Variants in EPHA2 observed in about 807,000 individuals in gnomAD.
The protein encoded by EPHA2 is EPH receptor A2, also known as ephrin type-A receptor 2.
EPHA2 carries 54 observed loss-of-function variants against 104.9 expected under a neutral mutation model. The observed-to-expected ratio is 0.51, with a 90% CI of 0.41 to 0.65. The LOEUF (loss-of-function observed/expected upper bound fraction) is 0.65, where lower values mean the gene tolerates loss of function less well. Ranked by LOEUF, EPHA2 falls within the 30% of genes least tolerant of loss-of-function variation. The probability of loss-of-function intolerance (pLI) is 0.00; values close to 1 mark genes in which losing one functional copy is unlikely to be tolerated. For synonymous variants in EPHA2, 560 were observed against 559.1 expected (o/e 1.00, Z -0.02); for missense variants, 1,117 against 1,369.5 (o/e 0.82, Z 2.91).
intron 3 of EPHA2, among the ~76,000 whole-genome samples, chr1:16,140,601 C>T (rs1386555644): frequency 2.0e-5 from 3 of 152,136 alleles, no homozygotes; most frequent in Admixed American, 6.5e-5. Flanking sequence ...TCTCTCCTCT[C>T]CCACTCCTTT....
intron 3 of EPHA2, among the ~76,000 whole-genome samples, chr1:16,145,376 G>A (rs1353206296): frequency 6.6e-6 from 1 of 152,222 alleles, no homozygotes; most frequent in Non-Finnish European, 1.5e-5. Flanking sequence ...ACAGCACCTG[G>A]GAGGTGCCTC....
chr1:16,130,915 C>T lies in EPHA2; in HGVS notation c.2476-496G>A, dbSNP rs2024559955. Among the ~76,000 whole-genome samples, 1 of 152,184 alleles carries T rather than the reference C, an allele frequency of 6.6e-6. No homozygotes were observed. The highest frequency in any genetic ancestry group is 2.1e-4 in the South Asian group (1 of 4,832). ...AAAGTGCTAGGATTACAGGCATGCG[C>T]CATTGCTCCCAGCTAGAAGGGACCC... On this transcript the variant is annotated intron_variant, in intron 14 of 16. Transcript: ENST00000358432. This position sits in a 1 kb window ranked among gnomAD's most constrained non-coding sequence, Gnocchi z 4.5.
At chr1:16,145,776 C>T (rs773886110) in intron 3 of EPHA2, among the ~76,000 whole-genome samples, 3 of 152,190 alleles carry the variant, frequency 2.0e-5, no homozygotes, top group African/African-American at 7.2e-5. Flanking sequence ...GGTCACTTCC[C>T]GCCCCATTTC....
chr1:16,133,203 CG>C lies in EPHA2; in HGVS notation c.2029del (p.Arg677AlafsTer2). On this transcript the variant is annotated frameshift_variant, in exon 11 of 17. Coordinates refer to ENST00000358432, the MANE Select transcript of EPHA2 (RefSeq NM_004431.5). LOFTEE classifies it high-confidence loss of function. Reference protein sequence around the residue: ...MGQFSHHNIIRLEGVISKYKP... With the variant: ...MGQFSHHNIIXLEGVISKYKP... ...ACATTTGGAGATGACGCCCTCTAGG[CG>C]GATGATGTTGTGGTGGCTGAACTGG... The C allele has an allele frequency of 1.2e-6, 2 of 1,613,680 alleles. No homozygotes were observed. Among genetic ancestry groups the C allele is most frequent in the Non-Finnish European group, 1.7e-6 (2 of 1,179,896 alleles).
chr1:16,129,571 G>T lies in EPHA2; in HGVS notation c.2688C>A (p.Pro896=). Residue 896 remains proline (P), a synonymous_variant, in exon 16 of 17, where the codon CCC becomes CCA. Coordinates refer to ENST00000358432, the MANE Select transcript of EPHA2 (RefSeq NM_004431.5). ...DFDPRVSIRL[P]STSGSEGVPF... ...GCACCCCCTCCGAGCCGCTCGTGCTGGGGAGCCGGATAGACACGCTGCAAC... is the reference window on the plus strand; with the variant it reads ...GCACCCCCTCCGAGCCGCTCGTGCTTGGGAGCCGGATAGACACGCTGCAAC... 3 of 1,611,950 alleles carry T rather than the reference G, an allele frequency of 1.9e-6. No homozygotes were observed. The highest frequency in any genetic ancestry group is 2.5e-6 in the Non-Finnish European group (3 of 1,179,856).
chr1:16,136,398 T>C (rs2024684827), intron 5 of EPHA2, among the ~76,000 whole-genome samples: 1 of 150,746 alleles, frequency 6.6e-6, no homozygotes, highest in South Asian at 2.1e-4. Flanking sequence ...GGCGGGAGGA[T>C]TGCCTGAGGT....
At chr1:16,145,833 A>G (rs1027855931) in intron 3 of EPHA2, among the ~76,000 whole-genome samples, 1 of 152,172 alleles carries the variant, frequency 6.6e-6, no homozygotes, top group Non-Finnish European at 1.5e-5. Context: ...CTGGATTCAG[A>G]TCCTGATGCA....
Position 16,129,588 on chromosome 1 carries a change from C to T in EPHA2, c.2671G>A (p.Val891Met), listed in dbSNP as rs139168333. 159 of 1,609,378 alleles carry T rather than the reference C, an allele frequency of 9.9e-5. No individual in the cohort carries two copies. Among genetic ancestry groups the T allele is most frequent in the East Asian group, 2.0e-4 (9 of 44,842 alleles). The change falls in exon 16 of 17, where the codon GTG becomes ATG. Residue 891 changes from valine to methionine, a missense_variant and splice_region_variant. By Grantham distance (21) the Val-to-Met change is conservative. Coordinates refer to ENST00000358432, the MANE Select transcript of EPHA2 (RefSeq NM_004431.5). The part of the protein sequence containing the change: ...LKTLADFDPR[V>M]SIRLPSTSGS... ...CTCGTGCTGGGGAGCCGGATAGACA[C>T]GCTGCAACAGGAAGCACTGCAGGTG...
chr1:16,147,615 C>G (rs2863841), intron 3 of EPHA2, among the ~76,000 whole-genome samples: 79,723 of 151,158 alleles, frequency 0.53, 22,962 homozygotes, highest in East Asian at 0.89. Flanking sequence ...AAATAACAGC[C>G]ACATTTAAAA....
intron 1 of EPHA2, 92 bp downstream of exon 1, chr1:16,155,756 G>C: frequency 9.5e-7 from 1 of 1,047,502 alleles, no homozygotes; most frequent in South Asian, 2.3e-5. Context: ...GCGACACCAG[G>C]TAGGTTCCAA....
rs2025017802 is a variant in EPHA2 at position 16,150,722 on chromosome 1, C to A, written c.153+174G>T. ...CCTTCCCACGCCCATCCAGCCCTGG[C>A]CTGGGCCGGCTGACTCTGAGCCTGG... On this transcript the variant is annotated intron_variant, in intron 2 of 16. Transcript: ENST00000358432. This position sits in a 1 kb window ranked among gnomAD's most constrained non-coding sequence, Gnocchi z 4.8. 6.6e-6 allele frequency among the ~76,000 whole-genome samples: 1 copy of A among 152,220 alleles called. No individual in the cohort carries two copies. The highest frequency in any genetic ancestry group is 2.4e-5 in the African/African-American group (1 of 41,456).
rs150384340 is a variant in EPHA2, at chr1:16,135,244, G to A, written c.1429-55C>T. 5,074 of 1,608,802 alleles carry A rather than the reference G, an allele frequency of 3.2e-3. 26 individuals are homozygous for A. Among genetic ancestry groups the A allele is most frequent in the Middle Eastern group, 4.4e-3 (22 of 4,974 alleles). On this transcript the variant is annotated intron_variant, in intron 6 of 16. Transcript: ENST00000358432. This position sits in a 1 kb window ranked among gnomAD's most constrained non-coding sequence, Gnocchi z 4.3. ...GCAGTGAGGGCAGGGCAGGGGCCTC[G>A]GCTCAGCCCGCTGGAGACCACCCCA...
In EPHA2 at chr1:16,137,027, C is replaced by T. The variant is rs530662671; in HGVS notation, c.1312+826G>A. On this transcript the variant is annotated intron_variant, in intron 5 of 16. Coordinates refer to ENST00000358432, the MANE Select transcript of EPHA2 (RefSeq NM_004431.5). ...GTTGGTCAGGCTGGTCTGGAACTCT[C>T]GACCTCAGGTGATCTGCCCACCTCA... 6.6e-5 allele frequency among the ~76,000 whole-genome samples: 10 copies of T among 151,742 alleles called. No individual in the cohort carries two copies. The East Asian group carries it at 1.8e-3, about 27-fold the overall frequency.
rs1293777797 is a variant in EPHA2, at chr1:16,128,024, G to A, written c.2825+1410C>T. ...AGCCCCTGGAGGAGCAAAGGGTCTG[G>A]TGGATGTTCCCAGGAAAAAGGAGAA... On this transcript the variant is annotated intron_variant, in intron 16 of 16. Transcript: ENST00000358432. This position sits in a 1 kb window ranked among gnomAD's most constrained non-coding sequence, Gnocchi z 4.7. 2.0e-5 allele frequency among the ~76,000 whole-genome samples: 3 copies of A among 152,190 alleles called. No individual in the cohort carries two copies. Among genetic ancestry groups the A allele is most frequent in the Admixed American group, 2.0e-4 (3 of 15,288 alleles).
chr1:16,138,124 G>T lies in EPHA2; in HGVS notation c.1041C>A (p.Arg347=), dbSNP rs1395540284. The change falls in exon 5 of 17, where the codon CGC becomes CGA. Residue 347 remains arginine, a synonymous_variant. Coordinates refer to ENST00000358432, the MANE Select transcript of EPHA2 (RefSeq NM_004431.5). ...CCCCGCTGTCCTGAGGGGGCGTCCA[G>T]CGCAGCTCCACCTTGGCACCCATGC... ...AVGMGAKVEL[R]WTPPQDSGGR... The T allele has an allele frequency of 1.9e-6, 3 of 1,609,284 alleles. No individual in the cohort carries two copies. The highest frequency in any genetic ancestry group is 1.7e-6 in the Non-Finnish European group (2 of 1,179,864).
At position 16,150,750 on chromosome 1, in the gene EPHA2, T is replaced by G. The variant is rs1442747699; in HGVS notation, c.153+146A>C. ...GGGCCGGCTGACTCTGAGCCTGGTG[T>G]GAGAAGCTGGACCCTGAGCCTGAGA... On this transcript the variant is annotated intron_variant, in intron 2 of 16. Transcript: ENST00000358432. The surrounding 1 kb of genome is among the most constrained non-coding windows in gnomAD (Gnocchi z 4.8). 11 of 916,090 alleles carry G rather than the reference T, an allele frequency of 1.2e-5. No individual in the cohort carries two copies. The highest frequency in any genetic ancestry group is 1.9e-5 in the Non-Finnish European group (11 of 577,204). 56.7% of individuals were successfully genotyped at this position (916,090 alleles called of 1,614,324 possible).
chr1:16,135,153 C>A lies in EPHA2; in HGVS notation c.1465G>T (p.Gly489Cys). 6.2e-7 allele frequency: 1 copy of A among 1,614,018 alleles called. No individual in the cohort carries two copies. Among genetic ancestry groups the A allele is most frequent in the Non-Finnish European group, 8.5e-7 (1 of 1,180,020 alleles). Reference protein sequence around the residue: ...SNSYNVRRTEGFSVTLDDLAP... With the variant: ...SNSYNVRRTECFSVTLDDLAP... ...AGGTCGTCCAGGGTCACGGAGAAAC[C>A]CTCGGTGCGGCGCACATTGTAGCTG... The change falls in exon 7 of 17, where the codon GGT becomes TGT. Residue 489 changes from glycine (G) to cysteine (C), a missense_variant. Physicochemically the swap from Gly to Cys is radical, Grantham distance 159. Around this residue, in one of 3 missense-constraint regions of EPHA2, gnomAD observed 664 missense variants for 784.8 expected, o/e 0.85. Transcript: ENST00000358432. The surrounding 1 kb of genome is among the most constrained non-coding windows in gnomAD (Gnocchi z 4.3).
At chr1:16,153,887 C>A (rs1265198031) in intron 1 of EPHA2, among the ~76,000 whole-genome samples, 1 of 152,094 alleles carries the variant, frequency 6.6e-6, no homozygotes, top group Admixed American at 6.5e-5. Context: ...CCAGCAGCTG[C>A]CAGCTAGGCC....
chr1:16,153,617 C>G (rs1350416238), intron 1 of EPHA2, among the ~76,000 whole-genome samples: 1 of 152,228 alleles, frequency 6.6e-6, no homozygotes, highest in Non-Finnish European at 1.5e-5. Context: ...GTCTGGTCCT[C>G]TGTCCAGAAG....
Sources: allele counts gnomAD v4.1 joint callset (sites outside exome capture counted in the v4.1 genomes callset), GRCh38; gene constraint gnomAD v4.1.1; regional missense constraint gnomAD v4.1.1; non-coding constraint Gnocchi (gnomAD v3.1); transcripts MANE v1.5; gene names NCBI Gene and HGNC (gene_info 2026-07-23, HGNC 2026-07-21).